The following YPEL2 variants were observed in gnomAD, a reference collection of about 807,000 sequenced individuals.
The protein encoded by YPEL2 is yippee like 2.
In YPEL2, 2 loss-of-function variants were observed where a neutral mutation model predicts 19.1. The ratio of observed to expected loss-of-function variants is 0.10; its 90% CI spans 0.04 to 0.33. The LOEUF is 0.33. Among genes scored for constraint, YPEL2 ranks in the 10% least tolerant of loss-of-function variants. The pLI is 1.00. For missense variants in YPEL2, 66 were observed against 140.7 expected, an observed-to-expected ratio of 0.47 and a Z score of 2.68; for synonymous variants, 52 against 50.0, an observed-to-expected ratio of 1.04 and a Z score of -0.17.
intron 3 of YPEL2, chr17:59,389,140 T>G (rs2047995469): frequency 1.8e-6 from 1 of 545,562 alleles, no homozygotes; most frequent in Non-Finnish European, 3.3e-6. Context: ...TAAAGATTAT[T>G]TCGGTAGACC....
At chr17:59,393,853 C>G (rs1026784554) in intron 4 of YPEL2, among the ~76,000 whole-genome samples, 2 of 151,698 alleles carry the variant, frequency 1.3e-5, no homozygotes, top group African/African-American at 4.9e-5. Context: ...TCAACAGGAT[C>G]CCAAGGCAGA....
chr17:59,386,920 A>AG (rs1178338921), intron 2 of YPEL2, among the ~76,000 whole-genome samples: 1 of 152,138 alleles, frequency 6.6e-6, no homozygotes, highest in Non-Finnish European at 1.5e-5. Flanking sequence ...TGAATGTTGG[A>AG]GGCAACCAAC....
intron 2 of YPEL2, among the ~76,000 whole-genome samples, chr17:59,368,296 G>A (rs917496689): frequency 2.6e-5 from 4 of 152,102 alleles, no homozygotes; most frequent in African/African-American, 9.7e-5. Context: ...ATTGCCCAGG[G>A]TGGTCTAAAA....
intron 4 of YPEL2, among the ~76,000 whole-genome samples, chr17:59,394,682 G>A (rs1454776251): frequency 1.3e-5 from 2 of 152,112 alleles, no homozygotes; most frequent in African/African-American, 2.4e-5. Context: ...CTTCCCAGAC[G>A]GGGTGGCGGC....
At chr17:59,337,289 G>A (rs2047704366) in intron 1 of YPEL2, among the ~76,000 whole-genome samples, 1 of 150,384 alleles carries the variant, frequency 6.6e-6, no homozygotes, top group South Asian at 2.1e-4. Flanking sequence ...CCGGGTTCAC[G>A]CCATTCTCCT....
intron 2 of YPEL2, among the ~76,000 whole-genome samples, chr17:59,360,167 C>T (rs1567742148): frequency 6.6e-6 from 1 of 152,236 alleles, no homozygotes; most frequent in Non-Finnish European, 1.5e-5. Context: ...AGCTCCGCTT[C>T]CCGGGTTCAC....
intron 2 of YPEL2, among the ~76,000 whole-genome samples, chr17:59,379,329 A>G (rs2047937428): frequency 2.6e-5 from 4 of 152,192 alleles, no homozygotes; most frequent in African/African-American, 9.7e-5. Context: ...CTTTGACCCA[A>G]TATAGGAAAG....
intron 1 of YPEL2, among the ~76,000 whole-genome samples, chr17:59,347,858 T>C (rs1598028862): frequency 6.6e-6 from 1 of 152,036 alleles, no homozygotes; most frequent in Admixed American, 6.6e-5. Flanking sequence ...AGAGGAAAAA[T>C]AGGATGTTCC....
At chr17:59,362,717 C>A (rs1422690113) in intron 2 of YPEL2, 1 of 152,164 alleles carries the variant, frequency 6.6e-6, no homozygotes, top group Non-Finnish European at 1.5e-5. Flanking sequence ...TGTTCCCAGT[C>A]AGAAATCCAA....
intron 2 of YPEL2, among the ~76,000 whole-genome samples, chr17:59,359,485 G>A (rs1394067614): frequency 5.9e-5 from 9 of 152,042 alleles, no homozygotes; most frequent in Non-Finnish European, 1.5e-5. Flanking sequence ...CAGAATGCCA[G>A]TTAGCAAAAA....
intron 2 of YPEL2, among the ~76,000 whole-genome samples, chr17:59,360,023 C>G (rs2047832510): frequency 6.6e-6 from 1 of 152,244 alleles, no homozygotes; most frequent in South Asian, 2.1e-4. Flanking sequence ...CCTCAGCCTT[C>G]TGAGTAGCTG....
At chr17:59,390,502 A>G (rs11651176) in intron 4 of YPEL2, among the ~76,000 whole-genome samples, 4,948 of 152,310 alleles carry the variant, frequency 0.032, 132 homozygotes, top group Admixed American at 0.048. Context: ...TTCCTAAAAC[A>G]CCTAGGTCCC....
At position 59,353,869 on chromosome 17, in the gene YPEL2, CA is replaced by C; in HGVS notation, c.117+344del. On this transcript the variant is annotated intron_variant, in intron 2 of 4. Coordinates refer to ENST00000312655, the MANE Select transcript of YPEL2 (RefSeq NM_001005404.4). This position sits in a 1 kb window ranked among gnomAD's most constrained non-coding sequence, Gnocchi z 4.8. ...CGAAGAGTGAAGAGTGCTCCCTGCT[CA>C]GAAGGTGAATTCTGATAAAGCAGGG... 2 of 343,832 alleles carry C rather than the reference CA, an allele frequency of 5.8e-6. No individual in the cohort carries two copies. Among genetic ancestry groups the C allele is most frequent in the South Asian group, 4.7e-5 (2 of 42,902 alleles). The allele number at this position is 343,832 out of a possible 1,614,324, so 21.3% of individuals were successfully genotyped here. A position where few individuals can be genotyped will look rare whatever the true frequency, so the allele number is the denominator to read the frequency against.
chr17:59,334,058 G>A (rs1221468254), intron 1 of YPEL2, among the ~76,000 whole-genome samples: 1 of 152,182 alleles, frequency 6.6e-6, no homozygotes, highest in Non-Finnish European at 1.5e-5. Context: ...CTGCCATGAA[G>A]CAGTTGGCTT....
chr17:59,395,397 T>A (rs2048033695), intron 4 of YPEL2, among the ~76,000 whole-genome samples: 1 of 152,130 alleles, frequency 6.6e-6, no homozygotes. Context: ...TTCTGGGGGC[T>A]CAGGGAAGGG....
intron 2 of YPEL2, among the ~76,000 whole-genome samples, chr17:59,382,427 T>C (rs2047954356): frequency 6.6e-6 from 1 of 152,232 alleles, no homozygotes; most frequent in Admixed American, 6.5e-5. Flanking sequence ...CCAGAGAAAG[T>C]GACTCTTAGG....
rs147360172 is a variant in YPEL2 at position 59,366,603 on chromosome 17, G to A, written c.117+13077G>A. ...TTTGGAGGAATGTCTGTATTCTCAG[G>A]ACCAGGCCTCTCCCCACTGGGTGGG... On this transcript the variant is annotated intron_variant, in intron 2 of 4. Transcript: ENST00000312655. 3.7e-3 allele frequency among the ~76,000 whole-genome samples: 567 copies of A among 152,274 alleles called. 4 individuals carry two copies. Among genetic ancestry groups the A allele is most frequent in the African/African-American group, 0.012 (509 of 41,550 alleles).
chr17:59,365,055 G>A (rs1393079991), intron 2 of YPEL2, among the ~76,000 whole-genome samples: 1 of 152,118 alleles, frequency 6.6e-6, no homozygotes, highest in African/African-American at 2.4e-5. Flanking sequence ...GGCCTGGCAC[G>A]TGATAAGTGC....
intron 2 of YPEL2, among the ~76,000 whole-genome samples, chr17:59,377,322 C>T (rs2047927122): frequency 6.6e-6 from 1 of 152,204 alleles, no homozygotes; most frequent in Non-Finnish European, 1.5e-5. Context: ...CATTTGAGCT[C>T]CAATATTTCA....
Sources: gnomAD v4.1 joint callset for allele counts (sites outside exome capture counted in the v4.1 genomes callset) on GRCh38, gnomAD v4.1.1 for gene constraint, Gnocchi (gnomAD v3.1) non-coding constraint, MANE v1.5 for transcripts, NCBI Gene and HGNC (gene_info 2026-07-23, HGNC 2026-07-21) for gene names.